EPHA4: variants seen among roughly 807,000 people sequenced by gnomAD.
EPHA4 encodes ephrin type-A receptor 4.
In EPHA4, 19 loss-of-function variants were observed where a neutral mutation model predicts 108.3. That is an observed-to-expected ratio of 0.18 (90% CI 0.12 to 0.26). The LOEUF (loss-of-function observed/expected upper bound fraction) is 0.26, where lower values mean the gene tolerates loss of function less well. Ranked by LOEUF, EPHA4 falls within the 10% of genes least tolerant of loss-of-function variation. The pLI, the probability that EPHA4 is intolerant of heterozygous loss-of-function variation, is 1.00. For synonymous variants in EPHA4, 449 were observed against 455.5 expected (o/e 0.99, Z 0.18); for missense variants, 917 against 1,254.0 (o/e 0.73, Z 4.06).
chr2:221,456,887 A>T (rs1008548204), intron 6 of EPHA4, 115 bp from the exon 7 acceptor site: 1 of 1,083,058 alleles, frequency 9.2e-7, no homozygotes, highest in African/African-American at 1.6e-5. Context: ...AAGTAAATGG[A>T]GATGAATAAA....
chr2:221,487,373 G>A (rs1225906016), intron 4 of EPHA4, among the ~76,000 whole-genome samples: 1 of 152,184 alleles, frequency 6.6e-6, no homozygotes, highest in African/African-American at 2.4e-5. Flanking sequence ...ACCAGCGACG[G>A]CTGGGAATTT....
intron 5 of EPHA4, among the ~76,000 whole-genome samples, chr2:221,459,316 A>ATT (rs79551441): frequency 1.0e-4 from 15 of 148,964 alleles, no homozygotes; most frequent in South Asian, 6.4e-4. Context: ...ACACCCCTCT[A>ATT]TTTTTTTTTC....
chr2:221,572,080 G>C (rs141362328), intron 1 of EPHA4, 78 bp downstream of exon 1: 1 of 1,196,590 alleles, frequency 8.4e-7, no homozygotes, highest in Non-Finnish European at 1.2e-6. Context: ...GCACCACCTG[G>C]CCCTGCGCTC....
intron 3 of EPHA4, among the ~76,000 whole-genome samples, chr2:221,524,035 C>T (rs1440392422): frequency 6.6e-6 from 1 of 152,058 alleles, no homozygotes; most frequent in African/African-American, 2.4e-5. Context: ...TGGTGAGAAA[C>T]GTTCTGAAGG....
Position 221,563,727 on chromosome 2 carries a change from T to A in EPHA4, c.823+4A>T. The A allele has an allele frequency of 6.2e-7, 1 of 1,613,490 alleles. No homozygotes were observed. The highest frequency in any genetic ancestry group is 8.5e-7 in the Non-Finnish European group (1 of 1,179,568). On this transcript the variant is annotated splice_donor_region_variant and intron_variant, in intron 3 of 17. Coordinates refer to ENST00000281821, the MANE Select transcript of EPHA4 (RefSeq NM_004438.5). ...TGAAAAAACTGCAATATGGACCCTCTTACCTTGGCATTCTCCGCTCCGCTC... is the reference window on the plus strand; with the variant it reads ...TGAAAAAACTGCAATATGGACCCTCATACCTTGGCATTCTCCGCTCCGCTC...
chr2:221,569,610 G>T (rs1694766991), intron 1 of EPHA4: 1 of 152,222 alleles, frequency 6.6e-6, no homozygotes, highest in Non-Finnish European at 1.5e-5. Context: ...CGCTAGGTAA[G>T]GGGAACATCC....
rs1358215273 is a variant in EPHA4 at position 221,550,108 on chromosome 2, A to G, written c.823+13623T>C. ...GAAACAGAGGCTAAAAAGATACCAA[A>G]TCAAAGAACTTATCCACTACGCTGG... On this transcript the variant is annotated intron_variant, in intron 3 of 17. Transcript: ENST00000281821. 2.0e-5 allele frequency among the ~76,000 whole-genome samples: 3 copies of G among 152,358 alleles called. No homozygotes were observed. The East Asian group carries it at 5.8e-4, about 29-fold the overall frequency.
intron 1 of EPHA4, among the ~76,000 whole-genome samples, chr2:221,570,770 G>A (rs1203968712): frequency 6.6e-6 from 1 of 152,112 alleles, no homozygotes; most frequent in Non-Finnish European, 1.5e-5. Flanking sequence ...ATGGGTGGAT[G>A]GATGGATAGA....
chr2:221,474,076 G>A, intron 5 of EPHA4, among the ~76,000 whole-genome samples: 1 of 152,148 alleles, frequency 6.6e-6, no homozygotes, highest in East Asian at 1.9e-4. Context: ...TTAAAAAAAT[G>A]CAATCTAACT....
At position 221,548,980 on chromosome 2, in the gene EPHA4, G is replaced by A. The variant is rs368266880; in HGVS notation, c.823+14751C>T. ...GGGCTACTAAATTCTCTATAACTCC[G>A]GTAGTCCCAGCCACTTGGGAGTCCT... On this transcript the variant is annotated intron_variant, in intron 3 of 17. Transcript: ENST00000281821. Among the ~76,000 whole-genome samples, 40 of 152,110 alleles carry A rather than the reference G, an allele frequency of 2.6e-4. 1 individual carries two copies. The South Asian group carries it at 6.7e-3, about 25-fold the overall frequency.
chr2:221,427,568 A>G (rs918124309), intron 15 of EPHA4, among the ~76,000 whole-genome samples: 1 of 152,186 alleles, frequency 6.6e-6, no homozygotes, highest in Non-Finnish European at 1.5e-5. Flanking sequence ...ACTTATAATA[A>G]CCTGTAGAAA....
intron 11 of EPHA4, among the ~76,000 whole-genome samples, chr2:221,439,686 C>T (rs1690355617): frequency 6.6e-6 from 1 of 151,818 alleles, no homozygotes; most frequent in Non-Finnish European, 1.5e-5. Flanking sequence ...ACAAATGTGC[C>T]TAAATGAGTT....
intron 3 of EPHA4, among the ~76,000 whole-genome samples, chr2:221,512,266 C>T (rs1358059112): frequency 2.6e-5 from 4 of 151,918 alleles, no homozygotes; most frequent in African/African-American, 2.4e-5. Context: ...TCAAGAAAAG[C>T]GTATATTTTA....
chr2:221,473,578 T>C (rs907623680), intron 5 of EPHA4, among the ~76,000 whole-genome samples: 2 of 143,542 alleles, frequency 1.4e-5, no homozygotes, highest in Non-Finnish European at 3.0e-5. Flanking sequence ...AAAAAAACTA[T>C]TTAAAGACAT....
intron 5 of EPHA4, among the ~76,000 whole-genome samples, chr2:221,472,208 A>T (rs1265956575): frequency 1.3e-5 from 2 of 150,932 alleles, no homozygotes; most frequent in Non-Finnish European, 2.9e-5. Context: ...TGGCTTGTTT[A>T]TATGTGTGGT....
At position 221,549,996 on chromosome 2, in the gene EPHA4, CAAACAA is replaced by C. The variant is rs1559289770; in HGVS notation, c.823+13729_823+13734del. ...ACTCCATCTCAAACAAACAAACAAA[CAAACAA>C]AAACTACACAAGTAATGAGAAATTT... On this transcript the variant is annotated intron_variant, in intron 3 of 17. Coordinates refer to ENST00000281821, the MANE Select transcript of EPHA4 (RefSeq NM_004438.5). Among the ~76,000 whole-genome samples, 18 of 152,212 alleles carry C rather than the reference CAAACAA, an allele frequency of 1.2e-4. No individual in the cohort carries two copies. The South Asian group carries it at 3.5e-3, about 30-fold the overall frequency.
chr2:221,449,239 G>T (rs1383552668), intron 8 of EPHA4, among the ~76,000 whole-genome samples: 1 of 152,140 alleles, frequency 6.6e-6, no homozygotes, highest in Non-Finnish European at 1.5e-5. Context: ...ACACCTGATG[G>T]CCCTTTTGCC....
At chr2:221,545,266 G>A (rs557036310) in intron 3 of EPHA4, among the ~76,000 whole-genome samples, 1 of 151,482 alleles carries the variant, frequency 6.6e-6, no homozygotes, top group Non-Finnish European at 1.5e-5. Flanking sequence ...TCGGGAGATC[G>A]AGACCTTCCT....
chr2:221,535,733 G>A (rs1693650316), intron 3 of EPHA4, among the ~76,000 whole-genome samples: 1 of 152,110 alleles, frequency 6.6e-6, no homozygotes, highest in South Asian at 2.1e-4. Flanking sequence ...GTAGAACAAA[G>A]ATTTTTTGGT....
Sources: allele counts gnomAD v4.1 joint callset (sites outside exome capture counted in the v4.1 genomes callset), GRCh38; gene constraint gnomAD v4.1.1; transcripts MANE v1.5; gene names NCBI Gene and HGNC (gene_info 2026-07-23, HGNC 2026-07-21).